EFCAB6: variants seen among roughly 807,000 people sequenced by gnomAD.
EFCAB6 encodes EF-hand calcium-binding domain-containing protein 6.
Under a neutral mutation model 169.8 loss-of-function variants are expected in EFCAB6, and 156 were observed. The ratio of observed to expected loss-of-function variants is 0.92; its 90% CI spans 0.81 to 1.05. The LOEUF (loss-of-function observed/expected upper bound fraction) is 1.05. Among genes scored for constraint, EFCAB6 ranks in the 50% least tolerant of loss-of-function variants. The probability of loss-of-function intolerance (pLI) is 0.00; values close to 1 mark genes in which losing one functional copy is unlikely to be tolerated. For synonymous variants in EFCAB6, 698 were observed against 676.4 expected, an observed-to-expected ratio of 1.03 and a Z score of -0.50; for missense variants, 1,800 against 1,829.1, an observed-to-expected ratio of 0.98 and a Z score of 0.29.
chr22:43,589,562 C>T (rs537871458), intron 24 of EFCAB6, among the ~76,000 whole-genome samples: 4 of 152,156 alleles, frequency 2.6e-5, no homozygotes, highest in South Asian at 2.1e-4. Context: ...CTGAGGTGGG[C>T]GGATCACCTG....
At chr22:43,712,721 G>A (rs1309076752) in intron 9 of EFCAB6, among the ~76,000 whole-genome samples, 3 of 152,114 alleles carry the variant, frequency 2.0e-5, no homozygotes, top group Admixed American at 6.5e-5. Context: ...TGTGTAGCGG[G>A]GGCTCGGTGC....
chr22:43,791,296 C>T (rs1349353287), intron 2 of EFCAB6, among the ~76,000 whole-genome samples: 2 of 151,854 alleles, frequency 1.3e-5, no homozygotes, highest in Non-Finnish European at 2.9e-5. Flanking sequence ...TCGCTTAAAC[C>T]CGGCAGGTGG....
At chr22:43,623,782 G>A (rs527851174) in intron 20 of EFCAB6, among the ~76,000 whole-genome samples, 71 of 150,600 alleles carry the variant, frequency 4.7e-4, no homozygotes, top group Non-Finnish European at 5.6e-4. Context: ...TGTGGTGGGC[G>A]CCTGTAGTCC....
chr22:43,547,862 C>T (rs916941235), intron 27 of EFCAB6, among the ~76,000 whole-genome samples: 1 of 151,872 alleles, frequency 6.6e-6, no homozygotes, highest in African/African-American at 2.4e-5. Flanking sequence ...GAGGCCGAGG[C>T]GGGTAGATCA....
intron 24 of EFCAB6, among the ~76,000 whole-genome samples, chr22:43,582,649 A>G (rs375240061): frequency 5.9e-4 from 90 of 152,278 alleles, no homozygotes; most frequent in African/African-American, 2.1e-3. Context: ...AACCTAGATA[A>G]TAGTGGAGGC....
At chr22:43,632,352 C>T (rs947306965) in intron 18 of EFCAB6, 114 bp from the exon 19 acceptor site, 105 of 1,406,128 alleles carry the variant, frequency 7.5e-5, no homozygotes, top group Middle Eastern at 2.7e-4. Context: ...CAGGCTGGAG[C>T]GCAGTGGTGC....
intron 23 of EFCAB6, among the ~76,000 whole-genome samples, chr22:43,593,248 G>A (rs1389847821): frequency 6.6e-6 from 1 of 152,210 alleles, no homozygotes; most frequent in African/African-American, 2.4e-5. Context: ...GGTGTGGCAA[G>A]GGGGAGTGGG....
intron 10 of EFCAB6, among the ~76,000 whole-genome samples, chr22:43,705,684 C>T (rs1227102177): frequency 1.3e-5 from 2 of 151,884 alleles, no homozygotes; most frequent in Non-Finnish European, 2.9e-5. Context: ...TTTAAAATAT[C>T]TTAAGACAAA....
chr22:43,618,908 CTCTT>C (rs1182614830), intron 20 of EFCAB6, among the ~76,000 whole-genome samples: 1 of 25,322 alleles, frequency 3.9e-5, no homozygotes, highest in Non-Finnish European at 6.5e-5. Flanking sequence ...TTTTCTCTCT[CTCTT>C]TTTTTTTTTT....
At position 43,537,467 on chromosome 22, in the gene EFCAB6, TC is replaced by T; in HGVS notation, c.3957del (p.Arg1320GlufsTer10). On this transcript the variant is annotated frameshift_variant, in exon 29 of 32. Coordinates refer to ENST00000262726, the MANE Select transcript of EFCAB6 (RefSeq NM_022785.4). LOFTEE classifies it high-confidence loss of function. This position sits in a 1 kb window ranked among gnomAD's most constrained non-coding sequence, Gnocchi z 4.3. ...AGCTGGCGCCAGCAGCCCTGGATTC[TC>T]TTCCGGAGCCTGCTCTCTATGGGAT... ...NCDPIESRLR[K>X]RIQGCWRQLL... The T allele has an allele frequency of 5.6e-6, 9 of 1,614,144 alleles. No individual in the cohort carries two copies. The highest frequency in any genetic ancestry group is 7.6e-6 in the Non-Finnish European group (9 of 1,180,032).
At chr22:43,769,924 G>A (rs1603351437) in intron 4 of EFCAB6, among the ~76,000 whole-genome samples, 2 of 151,342 alleles carry the variant, frequency 1.3e-5, no homozygotes, top group South Asian at 2.1e-4. Flanking sequence ...GCACCATCTC[G>A]GCTCACCACA....
In EFCAB6 at chr22:43,594,275, CAAAAAAAAAAA is replaced by C. The variant is rs750560174; in HGVS notation, c.2877-4057_2877-4047del. Among the ~76,000 whole-genome samples, 463 of 81,514 alleles carry C rather than the reference CAAAAAAAAAAA, an allele frequency of 5.7e-3. 3 individuals are homozygous for C. The highest frequency in any genetic ancestry group is 0.023 in the African/African-American group (445 of 18,988). 53.5% of individuals were successfully genotyped at this position (81,514 alleles called of 152,430 possible). A position where few individuals can be genotyped will look rare whatever the true frequency, so the allele number is the denominator to read the frequency against. ...GGGCAACAAGAGTGAAACTCTGTTT[CAAAAAAAAAAA>C]AAAAAAAAAAAAGAAAAGACATGAG... is the stretch of plus-strand genomic sequence containing the variant. On this transcript the variant is annotated intron_variant, in intron 23 of 31. Transcript: ENST00000262726.
At chr22:43,676,923 CA>C (rs1199800520) in intron 13 of EFCAB6, among the ~76,000 whole-genome samples, 1 of 152,192 alleles carries the variant, frequency 6.6e-6, no homozygotes, top group Admixed American at 6.5e-5. Flanking sequence ...TAAAGCAAGG[CA>C]CCCCATTCAG....
chr22:43,689,305 G>A (rs960536738), intron 10 of EFCAB6, among the ~76,000 whole-genome samples: 17 of 151,432 alleles, frequency 1.1e-4, no homozygotes, highest in African/African-American at 4.1e-4. Flanking sequence ...GGGATCAGAC[G>A]TGAGCCACGC....
chr22:43,612,607 G>C (rs746866172), intron 21 of EFCAB6, among the ~76,000 whole-genome samples: 6 of 152,102 alleles, frequency 3.9e-5, no homozygotes, highest in Non-Finnish European at 7.4e-5. Flanking sequence ...TCACTAAAAA[G>C]TCGGCCAGGT....
At chr22:43,723,535 T>C (rs1329941881) in intron 8 of EFCAB6, among the ~76,000 whole-genome samples, 1 of 152,182 alleles carries the variant, frequency 6.6e-6, no homozygotes, top group African/African-American at 2.4e-5. Flanking sequence ...CATGACATAG[T>C]CTAGCAAAAT....
chr22:43,779,884 G>A (rs777028180), intron 3 of EFCAB6, among the ~76,000 whole-genome samples: 9 of 152,142 alleles, frequency 5.9e-5, no homozygotes, highest in Non-Finnish European at 1.3e-4. Flanking sequence ...AATACAAAGA[G>A]AGCTCATACT....
chr22:43,687,760 G>A (rs1239765218), intron 10 of EFCAB6, among the ~76,000 whole-genome samples, 179 bp from the exon 11 acceptor site: 2 of 152,102 alleles, frequency 1.3e-5, no homozygotes, highest in African/African-American at 4.8e-5. Context: ...TTTAAAGCAA[G>A]GAAAAATCAA....
chr22:43,667,414 A>C (rs1028208516), intron 16 of EFCAB6, 142 bp from the exon 17 acceptor site: 1 of 1,054,136 alleles, frequency 9.5e-7, no homozygotes, highest in African/African-American at 1.6e-5. Context: ...GGGTGGAGTG[A>C]CTCAGGGGCT....
Sources: gnomAD v4.1 joint callset for allele counts (sites outside exome capture counted in the v4.1 genomes callset) on GRCh38, gnomAD v4.1.1 for gene constraint, Gnocchi (gnomAD v3.1) non-coding constraint, MANE v1.5 for transcripts, NCBI Gene and HGNC (gene_info 2026-07-23, HGNC 2026-07-21) for gene names.